The following SLC24A3 variants were observed in gnomAD, a reference collection of about 807,000 sequenced individuals.
SLC24A3 encodes solute carrier family 24 member 3.
SLC24A3 carries 28 observed loss-of-function variants against 75.8 expected under a neutral mutation model. The observed-to-expected ratio is 0.37, with a 90% confidence interval of 0.27 to 0.51. The LOEUF is 0.51. Among genes scored for constraint, SLC24A3 ranks in the 20% least tolerant of loss-of-function variants. The pLI, the probability that SLC24A3 is intolerant of heterozygous loss-of-function variation, is 0.94. For missense variants in SLC24A3, 663 were observed against 847.8 expected (o/e 0.78, Z 2.71); for synonymous variants, 372 against 334.1 (o/e 1.11, Z -1.24).
At chr20:19,231,761 A>G (rs1386868560) in intron 1 of SLC24A3, among the ~76,000 whole-genome samples, 1 of 152,216 alleles carries the variant, frequency 6.6e-6, no homozygotes, top group Non-Finnish European at 1.5e-5. Flanking sequence ...GCACGCACCC[A>G]GTGTATCGAA....
chr20:19,212,942 G>C lies in SLC24A3; in HGVS notation c.100G>C (p.Ala34Pro). 1.5e-6 allele frequency: 2 copies of C among 1,349,412 alleles called. No homozygotes were observed. The highest frequency in any genetic ancestry group is 1.9e-6 in the Non-Finnish European group (2 of 1,048,716). The allele number at this position is 1,349,412 out of a possible 1,614,324, so 83.6% of individuals were successfully genotyped here. A position where few individuals can be genotyped will look rare whatever the true frequency, so the allele number is the denominator to read the frequency against. Reference sequence around the variant, plus strand: ...CCAGCTCTGCTTCCTGGCCTCGGTGGCGCTGCTGCTCTGGTCGCTGTCGAG... The same window carrying C: ...CCAGCTCTGCTTCCTGGCCTCGGTGCCGCTGCTGCTCTGGTCGCTGTCGAG... ...LSQLCFLASV[A>P]LLLWSLSSLR... Residue 34 changes from alanine (A) to proline (P), a missense_variant, in exon 1 of 17, where the codon GCG (alanine) becomes CCG (proline). Physicochemically the swap from Ala to Pro is conservative, Grantham distance 27 (BLOSUM62 -1). This residue lies in a region of SLC24A3 where 153 missense variants were observed against 144.2 expected (regional missense o/e 1.06). Transcript: ENST00000328041.
chr20:19,511,096 C>A (rs1461032855), intron 2 of SLC24A3, among the ~76,000 whole-genome samples: 1 of 152,132 alleles, frequency 6.6e-6, no homozygotes, highest in East Asian at 1.9e-4. Context: ...CTGAGACCTG[C>A]TTTCCTCTGT....
chr20:19,605,407 GT>G lies in SLC24A3; in HGVS notation c.612+19868del, dbSNP rs1298725285. Among the ~76,000 whole-genome samples, 4 of 152,082 alleles carry G rather than the reference GT, an allele frequency of 2.6e-5. No homozygotes were observed. The East Asian group carries it at 5.8e-4, about 22-fold the overall frequency. ...CTACTAAGCTTTCTCTACGAAAGAG[GT>G]TTTTCTTTTCTTTTCTTTATAAAAT... On this transcript the variant is annotated intron_variant, in intron 6 of 16. Coordinates refer to ENST00000328041, the MANE Select transcript of SLC24A3 (RefSeq NM_020689.4).
chr20:19,682,965 A>AT (rs2032632288), intron 10 of SLC24A3, among the ~76,000 whole-genome samples: 1 of 152,090 alleles, frequency 6.6e-6, no homozygotes, highest in Non-Finnish European at 1.5e-5. Context: ...TTTTTACTTA[A>AT]TTTTTTAAAC....
At chr20:19,600,460 T>C (rs1477459936) in intron 6 of SLC24A3, among the ~76,000 whole-genome samples, 1 of 152,202 alleles carries the variant, frequency 6.6e-6, no homozygotes, top group African/African-American at 2.4e-5. Flanking sequence ...ATAAAAGAAT[T>C]GTGCACATCT....
rs1007916505 is a variant in SLC24A3 at position 19,685,280 on chromosome 20, A to G, written c.1243A>G (p.Asn415Asp). ...AEAGNETENE[N>D]EDNENDEEEE... ...GGCTGGCAACGAAACAGAGAATGAA[A>G]ATGAGGACAATGAGAATGATGAGGA... The change falls in exon 12 of 17, where the codon AAT (asparagine) becomes GAT (aspartate). Residue 415 changes from asparagine (N) to aspartate (D), a missense_variant. By Grantham distance (23) the Asn-to-Asp change is conservative. Transcript: ENST00000328041. 1 of 1,614,098 alleles carries G rather than the reference A, an allele frequency of 6.2e-7. No individual in the cohort carries two copies. Among genetic ancestry groups the G allele is most frequent in the African/African-American group, 1.3e-5 (1 of 75,008 alleles).
At chr20:19,547,671 G>C (rs2030623464) in intron 3 of SLC24A3, among the ~76,000 whole-genome samples, 2 of 152,232 alleles carry the variant, frequency 1.3e-5, no homozygotes, top group African/African-American at 4.8e-5. Flanking sequence ...AGCAGAAGCT[G>C]AGTGAATGGC....
chr20:19,512,264 G>A (rs1482614798), intron 2 of SLC24A3, among the ~76,000 whole-genome samples: 1 of 152,222 alleles, frequency 6.6e-6, no homozygotes, highest in African/African-American at 2.4e-5. Context: ...AGGGAGGGTT[G>A]CTGAGCCTCC....
At chr20:19,636,493 C>T (rs111614246) in intron 6 of SLC24A3, among the ~76,000 whole-genome samples, 1 of 152,178 alleles carries the variant, frequency 6.6e-6, no homozygotes, top group Non-Finnish European at 1.5e-5. Flanking sequence ...TGTCTTTCAA[C>T]TTTCACAAGG....
At chr20:19,424,746 A>AAC (rs1491409643) in intron 2 of SLC24A3, among the ~76,000 whole-genome samples, 40 of 2,742 alleles carry the variant, frequency 0.015, 1 homozygote, top group South Asian at 0.042. Flanking sequence ...AAACAACAAC[A>AAC]AAAAAAAAAA....
chr20:19,684,458 CA>C (rs2032650087), intron 11 of SLC24A3, 122 bp downstream of exon 11: 1 of 1,140,568 alleles, frequency 8.8e-7, no homozygotes, highest in Non-Finnish European at 1.2e-6. Context: ...CAGCATCCCT[CA>C]GCCATTTCCT....
intron 1 of SLC24A3, among the ~76,000 whole-genome samples, chr20:19,260,027 A>G (rs984002309): frequency 2.0e-5 from 3 of 152,150 alleles, no homozygotes; most frequent in Non-Finnish European, 2.9e-5. Context: ...ATATTAAGGG[A>G]AGGTCTCTGG....
chr20:19,283,610 G>A (rs1983721369), intron 2 of SLC24A3, among the ~76,000 whole-genome samples: 1 of 152,188 alleles, frequency 6.6e-6, no homozygotes, highest in Admixed American at 6.5e-5. Context: ...CAAGGGTGTA[G>A]AGCAAATATG....
chr20:19,288,713 A>G (rs1222648071), intron 2 of SLC24A3, among the ~76,000 whole-genome samples: 1 of 152,214 alleles, frequency 6.6e-6, no homozygotes, highest in Non-Finnish European at 1.5e-5. Flanking sequence ...GAGAATTCAG[A>G]GTCATAAATG....
chr20:19,515,023 C>T (rs562329937), intron 2 of SLC24A3, among the ~76,000 whole-genome samples: 2 of 152,174 alleles, frequency 1.3e-5, no homozygotes, highest in Non-Finnish European at 2.9e-5. Flanking sequence ...AAGCCTACAG[C>T]CCCCGCTCAG....
chr20:19,325,276 T>C (rs1984811900), intron 2 of SLC24A3, among the ~76,000 whole-genome samples: 1 of 151,094 alleles, frequency 6.6e-6, no homozygotes, highest in African/African-American at 2.4e-5. Context: ...ATAATAATAA[T>C]AATAATAATA....
intron 6 of SLC24A3, among the ~76,000 whole-genome samples, chr20:19,642,362 C>T (rs2032086163): frequency 6.6e-6 from 1 of 152,208 alleles, no homozygotes; most frequent in Admixed American, 6.5e-5. Context: ...CGGATTCTTA[C>T]ACATTGCTGA....
At chr20:19,244,133 T>G (rs1172737587) in intron 1 of SLC24A3, 1 of 152,176 alleles carries the variant, frequency 6.6e-6, no homozygotes, top group Non-Finnish European at 1.5e-5. Context: ...CTCATTCCAT[T>G]GTCAAGCCAT....
chr20:19,305,073 G>C (rs1378609989), intron 2 of SLC24A3, among the ~76,000 whole-genome samples: 1 of 152,150 alleles, frequency 6.6e-6, no homozygotes, highest in Non-Finnish European at 1.5e-5. Context: ...ACTCTGCCAT[G>C]GGCTGTCACA....
Sources: allele counts gnomAD v4.1 joint callset (sites outside exome capture counted in the v4.1 genomes callset), GRCh38; gene constraint gnomAD v4.1.1; regional missense constraint gnomAD v4.1.1; transcripts MANE v1.5; gene names NCBI Gene and HGNC (gene_info 2026-07-23, HGNC 2026-07-21).